Variants in SCN8A observed in about 807,000 individuals in gnomAD.
SCN8A encodes the protein sodium voltage-gated channel alpha subunit 8.
In SCN8A, 30 loss-of-function variants were observed where a neutral mutation model predicts 184.1. That is an observed-to-expected ratio of 0.16 (90% confidence interval 0.12 to 0.22). SCN8A has a LOEUF of 0.22. SCN8A is among the 10% of genes least tolerant of loss of function. The pLI, the probability that SCN8A is intolerant of heterozygous loss-of-function variation, is 1.00. For missense variants in SCN8A, 1,057 were observed against 2,498.9 expected, an observed-to-expected ratio of 0.42 and a Z score of 12.30; for synonymous variants, 852 against 907.0, an observed-to-expected ratio of 0.94 and a Z score of 1.09.
At chr12:51,737,705 TG>T (rs1342918703) in intron 12 of SCN8A, among the ~76,000 whole-genome samples, 1 of 152,218 alleles carries the variant, frequency 6.6e-6, no homozygotes, top group African/African-American at 2.4e-5. Context: ...AATTGAATTT[TG>T]TAAGTGATCA....
chr12:51,721,496 C>T, intron 11 of SCN8A, 50 bp from the exon 12 acceptor site: 1 of 1,525,040 alleles, frequency 6.6e-7, no homozygotes, highest in Non-Finnish European at 8.8e-7. Context: ...AAGGTCCACA[C>T]TCCCGTCTCA....
At chr12:51,634,660 T>A (rs566827997) in intron 1 of SCN8A, among the ~76,000 whole-genome samples, 1 of 147,394 alleles carries the variant, frequency 6.8e-6, no homozygotes, top group African/African-American at 2.5e-5. Context: ...ATTATTATTT[T>A]TTTTTTTTGA....
chr12:51,651,908 G>A (rs921308636), intron 1 of SCN8A, among the ~76,000 whole-genome samples: 4 of 152,148 alleles, frequency 2.6e-5, no homozygotes, highest in African/African-American at 9.7e-5. Context: ...TAATTATAAA[G>A]AAACTATTTT....
intron 1 of SCN8A, among the ~76,000 whole-genome samples, chr12:51,596,374 C>G (rs972379821): frequency 2.0e-5 from 3 of 152,100 alleles, no homozygotes; most frequent in African/African-American, 7.2e-5. Flanking sequence ...AACTGAGTAT[C>G]GAAGAGCTTA....
chr12:51,734,117 G>A (rs1942285648), intron 12 of SCN8A, among the ~76,000 whole-genome samples: 1 of 151,796 alleles, frequency 6.6e-6, no homozygotes, highest in Non-Finnish European at 1.5e-5. Context: ...ACTAATTTGG[G>A]GTTTTGTTTG....
intron 26 of SCN8A, among the ~76,000 whole-genome samples, chr12:51,796,043 C>CA (rs1364159356): frequency 6.6e-6 from 1 of 151,782 alleles, no homozygotes; most frequent in Non-Finnish European, 1.5e-5. Flanking sequence ...GACCTAGTCT[C>CA]AAAAATAAAG....
At chr12:51,717,750 A>T (rs1941989589) in intron 11 of SCN8A, among the ~76,000 whole-genome samples, 1 of 152,206 alleles carries the variant, frequency 6.6e-6, no homozygotes, top group South Asian at 2.1e-4. Flanking sequence ...GAATCTAACC[A>T]ATGTAGCTCC....
At chr12:51,726,574 G>A (rs1225716532) in intron 12 of SCN8A, among the ~76,000 whole-genome samples, 1 of 152,088 alleles carries the variant, frequency 6.6e-6, no homozygotes, top group Non-Finnish European at 1.5e-5. Flanking sequence ...ATATGATCCT[G>A]GGAAATTCTC....
At chr12:51,686,687 T>C (rs956421667) in intron 4 of SCN8A, among the ~76,000 whole-genome samples, 4 of 152,222 alleles carry the variant, frequency 2.6e-5, no homozygotes, top group African/African-American at 9.6e-5. Flanking sequence ...GGCAGTGCCG[T>C]TGCCCTGCAG....
chr12:51,659,521 A>G (rs1009301912), intron 1 of SCN8A, among the ~76,000 whole-genome samples: 2 of 152,256 alleles, frequency 1.3e-5, no homozygotes, highest in Non-Finnish European at 2.9e-5. Context: ...CAGAGAAGCC[A>G]TAGAAGAGAA....
intron 11 of SCN8A, among the ~76,000 whole-genome samples, chr12:51,709,422 T>A (rs946048228): frequency 6.6e-6 from 1 of 152,128 alleles, no homozygotes; most frequent in Non-Finnish European, 1.5e-5. Context: ...AGAAAACGGA[T>A]AAACAGTGTT....
intron 2 of SCN8A, among the ~76,000 whole-genome samples, chr12:51,669,409 C>G (rs1308904993): frequency 1.3e-5 from 2 of 152,292 alleles, no homozygotes; most frequent in East Asian, 3.9e-4. Flanking sequence ...ACACTTTTGC[C>G]TGTCACATAT....
At chr12:51,790,044 T>G (rs1938202548) in intron 24 of SCN8A, among the ~76,000 whole-genome samples, 1 of 152,246 alleles carries the variant, frequency 6.6e-6, no homozygotes, top group Non-Finnish European at 1.5e-5. Context: ...TATTCTAAAA[T>G]GTGTTTTCTA....
intron 7 of SCN8A, among the ~76,000 whole-genome samples, chr12:51,700,182 C>CA (rs72138274): frequency 4.1e-5 from 6 of 147,452 alleles, no homozygotes; most frequent in Non-Finnish European, 7.5e-5. Flanking sequence ...AAAAAAAAAA[C>CA]AAAAAAAAAA....
chr12:51,743,076 T>C (rs1565907526), intron 12 of SCN8A, among the ~76,000 whole-genome samples: 2 of 152,212 alleles, frequency 1.3e-5, no homozygotes, highest in South Asian at 4.1e-4. Flanking sequence ...TTCAGTCTCT[T>C]TGTTAAATTT....
At chr12:51,610,169 CAAAAAAAAAAAAA>C (rs398019572) in intron 1 of SCN8A, among the ~76,000 whole-genome samples, 1 of 55,932 alleles carries the variant, frequency 1.8e-5, no homozygotes, top group Non-Finnish European at 3.1e-5. Flanking sequence ...AACTCTGTCT[CAAAAAAAAAAAAA>C]AAAAAAAAAA....
chr12:51,604,840 T>C (rs1939551265), intron 1 of SCN8A, among the ~76,000 whole-genome samples: 2 of 150,008 alleles, frequency 1.3e-5, no homozygotes, highest in Admixed American at 1.3e-4. Flanking sequence ...GCTCCAGTGT[T>C]TTTTTTTTTA....
At chr12:51,606,866 G>A (rs981121200) in intron 1 of SCN8A, among the ~76,000 whole-genome samples, 4 of 150,238 alleles carry the variant, frequency 2.7e-5, no homozygotes, top group African/African-American at 7.3e-5. Context: ...TGTGGCTATT[G>A]TAAGAGGGGT....
At chr12:51,803,207 T>A (rs1289808348) in intron 26 of SCN8A, among the ~76,000 whole-genome samples, 2 of 152,118 alleles carry the variant, frequency 1.3e-5, no homozygotes, top group Non-Finnish European at 2.9e-5. Flanking sequence ...AAACCACTGC[T>A]GTAAGTCCAA....
Sources: allele counts gnomAD v4.1 joint callset (sites outside exome capture counted in the v4.1 genomes callset), GRCh38; gene constraint gnomAD v4.1.1; transcripts MANE v1.5; gene names NCBI Gene and HGNC (gene_info 2026-07-23, HGNC 2026-07-21).